The following BTBD18 variants were observed in gnomAD, a reference collection of about 807,000 sequenced individuals.
The protein encoded by BTBD18 is BTB/POZ domain-containing protein 18.
For synonymous variants in BTBD18, 311 were observed against 324.4 expected, an observed-to-expected ratio of 0.96 and a Z score of 0.44; for missense variants, 787 against 846.3, an observed-to-expected ratio of 0.93 and a Z score of 0.87.
chr11:57,746,630 C>T (rs1302196130), intron 2 of BTBD18, among the ~76,000 whole-genome samples: 5 of 151,984 alleles, frequency 3.3e-5, no homozygotes, highest in Non-Finnish European at 7.4e-5. Context: ...AGCCCGCTAC[C>T]TTGTTTCTTT....
At chr11:57,749,787 T>TA (rs1458137829) in intron 2 of BTBD18, among the ~76,000 whole-genome samples, 1 of 143,494 alleles carries the variant, frequency 7.0e-6, no homozygotes, top group African/African-American at 2.5e-5. Context: ...AATGAGACAC[T>TA]ATACTGTATG....
In BTBD18 at chr11:57,745,662, G is replaced by C; in HGVS notation, c.611C>G (p.Thr204Ser). Residue 204 changes from threonine (T) to serine (S), a missense_variant, in exon 3 of 3, where the codon ACT becomes AGT. By Grantham distance (58) the Thr-to-Ser change is moderately conservative. Coordinates refer to ENST00000422652, the MANE Select transcript of BTBD18 (RefSeq NM_001145101.3). ...TCTGGCCTTCCTCTTGAGCAGAAGA[G>C]TGCCAGACAAATTGTCTGCATTCTG... is the stretch of plus-strand genomic sequence containing the variant. ...NRQNADNLSG[T>S]LLLKRKARAC... 6.4e-7 allele frequency: 1 copy of C among 1,551,650 alleles called. No individual in the cohort carries two copies. Among genetic ancestry groups the C allele is most frequent in the South Asian group, 1.2e-5 (1 of 84,058 alleles).
At chr11:57,751,379 C>G in intron 1 of BTBD18, 143 bp from the exon 2 acceptor site, 1 of 452,370 alleles carries the variant, frequency 2.2e-6, no homozygotes, top group Non-Finnish European at 3.8e-6. Context: ...AAGGATATCT[C>G]AAGAAAGAAA....
chr11:57,751,263 G>A, intron 1 of BTBD18, 27 bp from the exon 2 acceptor site: 1 of 1,216,882 alleles, frequency 8.2e-7, no homozygotes, highest in Non-Finnish European at 1.1e-6. Flanking sequence ...ACATTTCAGA[G>A]GCATGGTTAC....
chr11:57,745,471 A>G lies in BTBD18; in HGVS notation c.802T>C (p.Ser268Pro). Residue 268 changes from serine to proline, a missense_variant, in exon 3 of 3, where the codon TCA becomes CCA. By Grantham distance (74) the Ser-to-Pro change is moderately conservative (BLOSUM62 -1). Transcript: ENST00000422652. Reference protein sequence around the residue: ...LLPRKIRLSRSKPSPGICTSK... With the variant: ...LLPRKIRLSRPKPSPGICTSK... ...GTACAGATACCAGGAGATGGCTTTG[A>G]GCGACTGAGCCTGATCTTTCTGGGC... The G allele has an allele frequency of 6.4e-7, 1 of 1,550,522 alleles. No homozygotes were observed. Among genetic ancestry groups the G allele is most frequent in the Non-Finnish European group, 8.7e-7 (1 of 1,146,990 alleles).
intron 2 of BTBD18, among the ~76,000 whole-genome samples, chr11:57,747,537 C>G (rs1013958877): frequency 6.6e-6 from 1 of 152,006 alleles, no homozygotes; most frequent in Admixed American, 6.6e-5. Flanking sequence ...TTTTTTGAGG[C>G]GGAGTCTCAC....
At position 57,749,745 on chromosome 11, in the gene BTBD18, C is replaced by CAAAAAAAAAAA. The variant is rs576323420; in HGVS notation, c.124+1309_124+1319dup. On this transcript the variant is annotated intron_variant, in intron 2 of 2. Coordinates refer to ENST00000422652, the MANE Select transcript of BTBD18 (RefSeq NM_001145101.3). ...AGCCTGGGCGACAGCGCAAGAATCT[C>CAAAAAAAAAAA]AAAAAAAAAAAAAAAAAAAAAAAAA... 7.9e-5 allele frequency among the ~76,000 whole-genome samples: 5 copies of CAAAAAAAAAAA among 62,970 alleles called. 1 individual carries two copies. The highest frequency in any genetic ancestry group is 3.2e-4 in the African/African-American group (5 of 15,820). The allele number at this position is 62,970 out of a possible 152,430, so 41.3% of individuals were successfully genotyped here.
rs577727393 is a variant in BTBD18, at chr11:57,744,604, A to G, written c.1669T>C (p.Leu557=). The change falls in exon 3 of 3, where the codon TTG becomes CTG. Residue 557 remains leucine, a synonymous_variant. Coordinates refer to ENST00000422652, the MANE Select transcript of BTBD18 (RefSeq NM_001145101.3). ...TTCTCACCAGCAGGTTCCTTTTCCA[A>G]TTCTGTGAGCTCCCTGGGCCAGAGT... The part of the protein sequence containing the change: ...MELWPRELTE[L]EKEPAGENRG... The G allele has an allele frequency of 5.8e-6, 9 of 1,551,536 alleles. No homozygotes were observed. The East Asian group carries it at 2.2e-4, about 38-fold the overall frequency.
At position 57,743,986 on chromosome 11, in the gene BTBD18, C is replaced by T. The variant is rs1051941332; in HGVS notation, c.*148G>A. 6 of 593,884 alleles carry T rather than the reference C, an allele frequency of 1.0e-5. No individual in the cohort carries two copies. Among genetic ancestry groups the T allele is most frequent in the Non-Finnish European group, 1.8e-5 (6 of 336,266 alleles). The allele number at this position is 593,884 out of a possible 1,614,324, so 36.8% of individuals were successfully genotyped here. A position where few individuals can be genotyped will look rare whatever the true frequency, so the allele number is the denominator to read the frequency against. On this transcript the variant is annotated 3_prime_UTR_variant, in exon 3 of 3. Transcript: ENST00000422652. ...CTTGGCTTCTGCCTGGCTTCTGAGG[C>T]TTAGGGAAGGGAGGAAGGGACCTAC...
upstream of BTBD18, among the ~76,000 whole-genome samples, chr11:57,752,249 G>A (rs548855219): frequency 1.4e-4 from 21 of 152,238 alleles, no homozygotes; most frequent in Admixed American, 3.9e-4. Context: ...GAGAAGGCGG[G>A]CTTGGCTGGG....
chr11:57,748,351 GTTA>G lies in BTBD18; in HGVS notation c.125-2206_125-2204del, dbSNP rs575385080. On this transcript the variant is annotated intron_variant, in intron 2 of 2. Transcript: ENST00000422652. ...ACTGTAACTCTGTAAAGTAGCTACTGTTATTATAAATGAGTAAACTGAGGCATA... is the reference window on the plus strand; with the variant it reads ...ACTGTAACTCTGTAAAGTAGCTACTGTTATAAATGAGTAAACTGAGGCATA... 8.1e-4 allele frequency among the ~76,000 whole-genome samples: 124 copies of G among 152,280 alleles called. No homozygotes were observed. The Middle Eastern group carries it at 0.01, about 13-fold the overall frequency.
chr11:57,752,863 G>A (rs972449487), upstream of BTBD18, among the ~76,000 whole-genome samples: 12 of 152,244 alleles, frequency 7.9e-5, no homozygotes, highest in Admixed American at 2.6e-4. Flanking sequence ...CCTGCAAAGC[G>A]GGGTGGCCCG....
chr11:57,753,011 C>T (rs1302432507), upstream of BTBD18, among the ~76,000 whole-genome samples: 1 of 152,272 alleles, frequency 6.6e-6, no homozygotes, highest in South Asian at 2.1e-4. Flanking sequence ...ATAGACTTTG[C>T]AGGCAGCCCC....
chr11:57,748,193 A>AT (rs1404989972), intron 2 of BTBD18, among the ~76,000 whole-genome samples: 1 of 152,160 alleles, frequency 6.6e-6, no homozygotes, highest in Non-Finnish European at 1.5e-5. Context: ...AAGTGCTGAG[A>AT]TTATAGGCAT....
Position 57,744,936 on chromosome 11 carries a change from A to C in BTBD18, c.1337T>G (p.Phe446Cys). ...SPDHPVVKSE[F>C]ESSPELVEKE... ...CTCTACCAGTTCTGGACTGGACTCA[A>C]ACTCTGACTTCACCACTGGGTGGTC... Residue 446 changes from phenylalanine to cysteine, a missense_variant, in exon 3 of 3, where the codon TTT becomes TGT. Coordinates refer to ENST00000422652, the MANE Select transcript of BTBD18 (RefSeq NM_001145101.3). 6.4e-7 allele frequency: 1 copy of C among 1,551,532 alleles called. No individual in the cohort carries two copies. The highest frequency in any genetic ancestry group is 1.2e-5 in the South Asian group (1 of 84,040).
chr11:57,745,339 G>T lies in BTBD18; in HGVS notation c.934C>A (p.Pro312Thr), dbSNP rs781781795. Residue 312 changes from proline (P) to threonine (T), a missense_variant, in exon 3 of 3, where the codon CCA becomes ACA. Pro to Thr is a conservative substitution (Grantham distance 38). Coordinates refer to ENST00000422652, the MANE Select transcript of BTBD18 (RefSeq NM_001145101.3). The stretch of plus-strand genomic sequence containing the variant: ...AGAGGACTAGCTCTGCCTGGTTTTG[G>T]CTTGTCCTCTGGTGTTTCTTTATTT... ...SVNKETPEDKPKPGRASPLQS... is the reference protein window; with the variant it reads ...SVNKETPEDKTKPGRASPLQS... The T allele has an allele frequency of 1.4e-5, 22 of 1,551,578 alleles. No homozygotes were observed. The highest frequency in any genetic ancestry group is 1.8e-5 in the Non-Finnish European group (21 of 1,147,012).
chr11:57,752,902 T>C (rs1301785538), upstream of BTBD18, among the ~76,000 whole-genome samples: 3 of 152,324 alleles, frequency 2.0e-5, no homozygotes, highest in African/African-American at 7.2e-5. Context: ...CCCAACTCCT[T>C]TGAAGAAAGA....
chr11:57,750,851 A>G (rs931943997), intron 2 of BTBD18, among the ~76,000 whole-genome samples: 8 of 152,244 alleles, frequency 5.3e-5, no homozygotes, highest in African/African-American at 1.9e-4. Flanking sequence ...AAACTTTACA[A>G]TTAGATTCAT....
At chr11:57,749,577 G>A (rs185938540) in intron 2 of BTBD18, among the ~76,000 whole-genome samples, 1 of 151,382 alleles carries the variant, frequency 6.6e-6, no homozygotes, top group African/African-American at 2.4e-5. Flanking sequence ...GGTGAAACCC[G>A]GTCTCTACTA....
Sources: gnomAD v4.1 joint callset for allele counts (sites outside exome capture counted in the v4.1 genomes callset) on GRCh38, gnomAD v4.1.1 for gene constraint, MANE v1.5 for transcripts, NCBI Gene and HGNC (gene_info 2026-07-23, HGNC 2026-07-21) for gene names.